The following MACROD1 variants were observed in gnomAD, a reference collection of about 807,000 sequenced individuals.
MACROD1 encodes ADP-ribose glycohydrolase MACROD1.
A neutral mutation model predicts 41.4 loss-of-function variants in MACROD1; 31 were observed. The ratio of observed to expected loss-of-function variants is 0.75; its 90% CI spans 0.56 to 1.01. The LOEUF (loss-of-function observed/expected upper bound fraction) is 1.01. Among genes scored for constraint, MACROD1 ranks in the 50% least tolerant of loss-of-function variants. MACROD1 has a pLI of 0.00. For synonymous variants in MACROD1, 252 were observed against 203.4 expected (o/e 1.24, Z -2.03); for missense variants, 473 against 460.0 (o/e 1.03, Z -0.26).
intron 3 of MACROD1, among the ~76,000 whole-genome samples, chr11:64,062,609 CTGGG>C (rs1943925384): frequency 5.3e-5 from 8 of 149,924 alleles, no homozygotes; most frequent in Non-Finnish European, 7.4e-5. Flanking sequence ...GTCCTGGGCG[CTGGG>C]GATGGAGCAG....
chr11:64,050,502 G>A (rs908378530), intron 3 of MACROD1, among the ~76,000 whole-genome samples: 1 of 152,282 alleles, frequency 6.6e-6, no homozygotes, highest in East Asian at 1.9e-4. Flanking sequence ...GGATGCTTCA[G>A]CCCCCATACC....
At chr11:64,029,738 CTG>C (rs1159058373) in intron 3 of MACROD1, among the ~76,000 whole-genome samples, 1 of 152,176 alleles carries the variant, frequency 6.6e-6, no homozygotes, top group Non-Finnish European at 1.5e-5. Context: ...CTCCACAGGG[CTG>C]TCTTTCAGGA....
rs565783824 is a variant in MACROD1 at position 64,124,187 on chromosome 11, A to G, written c.517+27052T>C. On this transcript the variant is annotated intron_variant, in intron 3 of 10. Transcript: ENST00000255681. The stretch of plus-strand genomic sequence containing the variant: ...CACCAAGAAAGTACAGATACATGCC[A>G]CCCCCTTTCCAGAGTCTAAACTCAG... 5.1e-4 allele frequency among the ~76,000 whole-genome samples: 77 copies of G among 152,056 alleles called. 1 individual carries two copies. Among genetic ancestry groups the G allele is most frequent in the Non-Finnish European group, 1.6e-4 (11 of 67,996 alleles).
At chr11:64,132,664 C>T (rs578216239) in intron 3 of MACROD1, among the ~76,000 whole-genome samples, 1 of 152,322 alleles carries the variant, frequency 6.6e-6, no homozygotes, top group African/African-American at 2.4e-5. Flanking sequence ...ATGCTTGGCA[C>T]AGTCCAGGCT....
intron 3 of MACROD1, among the ~76,000 whole-genome samples, chr11:64,051,739 T>C (rs1287019252): frequency 6.6e-6 from 1 of 152,134 alleles, no homozygotes; most frequent in Non-Finnish European, 1.5e-5. Context: ...TTTGGCCAGA[T>C]AGCCCTGCGG....
intron 3 of MACROD1, among the ~76,000 whole-genome samples, chr11:64,070,372 A>C (rs1385717974): frequency 6.6e-6 from 1 of 151,968 alleles, no homozygotes; most frequent in African/African-American, 2.4e-5. Flanking sequence ...GGCCCTTCTG[A>C]GCTTGAGCTT....
intron 3 of MACROD1, among the ~76,000 whole-genome samples, chr11:64,134,569 T>C (rs1945307259): frequency 6.6e-6 from 1 of 152,154 alleles, no homozygotes; most frequent in Admixed American, 6.5e-5. Flanking sequence ...GAAGCAAGTA[T>C]TTCCAGGCAC....
At chr11:64,145,294 C>T (rs1031282573) in intron 3 of MACROD1, among the ~76,000 whole-genome samples, 2 of 152,198 alleles carry the variant, frequency 1.3e-5, no homozygotes. Context: ...AGCTGACCCG[C>T]CTCGCCTCCC....
chr11:64,001,102 C>CGGGCGCAGATAAACAACCG (rs1295575475), intron 4 of MACROD1: 2 of 343,742 alleles, frequency 5.8e-6, no homozygotes, highest in Non-Finnish European at 1.1e-5. Context: ...CCTGGGGACC[C>CGGGCGCAGATAAACAACCG]GGGCGCAGAT....
chr11:64,035,369 GTGAA>G (rs1459889357), intron 3 of MACROD1, among the ~76,000 whole-genome samples: 1 of 152,172 alleles, frequency 6.6e-6, no homozygotes, highest in Non-Finnish European at 1.5e-5. Flanking sequence ...GTACCTGTTT[GTGAA>G]TGAATGCACG....
intron 3 of MACROD1, among the ~76,000 whole-genome samples, chr11:64,139,515 G>A (rs576508400): frequency 6.6e-6 from 1 of 152,184 alleles, no homozygotes; most frequent in Non-Finnish European, 1.5e-5. Context: ...CCCTGCCCTC[G>A]AGGGGCTCGG....
chr11:64,117,342 G>A (rs1337427831), intron 3 of MACROD1: 5 of 1,613,822 alleles, frequency 3.1e-6, no homozygotes, highest in Middle Eastern at 3.3e-4. Context: ...CATGTGCCAG[G>A]GCCCTGAGAA....
intron 3 of MACROD1, among the ~76,000 whole-genome samples, chr11:64,016,787 G>A (rs1403640760): frequency 1.3e-5 from 2 of 152,180 alleles, no homozygotes; most frequent in Admixed American, 1.3e-4. Context: ...TGAGGGGGAG[G>A]TGAGCTGAGT....
intron 3 of MACROD1, among the ~76,000 whole-genome samples, chr11:64,124,668 AGCAAAGCCT>A (rs1025970407): frequency 2.0e-5 from 3 of 150,596 alleles, no homozygotes; most frequent in African/African-American, 7.3e-5. Flanking sequence ...AAAGCCACAG[AGCAAAGCCT>A]GGTCTTTTTC....
At chr11:64,000,972 G>C (rs549563319) in intron 4 of MACROD1, 1 of 173,058 alleles carries the variant, frequency 5.8e-6, no homozygotes, top group Non-Finnish European at 1.2e-5. Context: ...GCCCGGGCCC[G>C]AGTCTCCTGG....
chr11:64,152,138 A>G (rs1945589484), intron 2 of MACROD1, among the ~76,000 whole-genome samples, 154 bp downstream of exon 2: 1 of 152,202 alleles, frequency 6.6e-6, no homozygotes, highest in African/African-American at 2.4e-5. Context: ...TCAAAAAATA[A>G]AATAAAATAA....
At chr11:64,076,377 C>A (rs1032431854) in intron 3 of MACROD1, among the ~76,000 whole-genome samples, 2 of 152,100 alleles carry the variant, frequency 1.3e-5, no homozygotes, top group Non-Finnish European at 2.9e-5. Context: ...GCCTGGAGAC[C>A]GTGATTGTCT....
At chr11:64,066,294 CAA>C (rs59963244) in intron 3 of MACROD1, among the ~76,000 whole-genome samples, 4,763 of 50,612 alleles carry the variant, frequency 0.094, 60 homozygotes, top group South Asian at 0.19. Flanking sequence ...GAGACTGTCT[CAA>C]AAAAAAAAAA....
chr11:64,018,524 G>A (rs1451275031), intron 3 of MACROD1, among the ~76,000 whole-genome samples: 2 of 152,066 alleles, frequency 1.3e-5, no homozygotes, highest in African/African-American at 4.8e-5. Flanking sequence ...CAGGCTTCTG[G>A]GTGTGGCCAC....
Sources: allele counts gnomAD v4.1 joint callset (sites outside exome capture counted in the v4.1 genomes callset), GRCh38; gene constraint gnomAD v4.1.1; transcripts MANE v1.5; gene names NCBI Gene and HGNC (gene_info 2026-07-23, HGNC 2026-07-21).